The following FGD6 variants were observed in gnomAD, a reference collection of about 807,000 sequenced individuals.
The protein encoded by FGD6 is FYVE, RhoGEF and PH domain-containing protein 6.
Under a neutral mutation model 149.4 loss-of-function variants are expected in FGD6, and 90 were observed. That is an observed-to-expected ratio of 0.60 (90% CI 0.51 to 0.72). The LOEUF is 0.72. Among genes scored for constraint, FGD6 ranks in the 30% least tolerant of loss-of-function variants. The pLI is 0.00. For synonymous variants in FGD6, 527 were observed against 584.0 expected (o/e 0.90, Z 1.41); for missense variants, 1,437 against 1,684.8 (o/e 0.85, Z 2.57).
chr12:95,141,236 A>T, intron 6 of FGD6, 152 bp downstream of exon 6: 1 of 889,358 alleles, frequency 1.1e-6, no homozygotes, highest in Non-Finnish European at 1.6e-6. Context: ...AACAAAAAAC[A>T]AACAAAACAA....
At position 95,210,486 on chromosome 12, in the gene FGD6, G is replaced by T. The variant is rs945255061; in HGVS notation, c.798C>A (p.Cys266Ter). Residue 266 changes from cysteine to a stop codon, truncating the protein, a stop_gained, in exon 2 of 21, where the codon TGC becomes TGA. Coordinates refer to ENST00000343958, the MANE Select transcript of FGD6 (RefSeq NM_018351.4). LOFTEE classifies it high-confidence loss of function. ...GAGCCTCTAGTTCAGATGACTGAAA[G>T]CAATTATTGCTTTTTTCACTGTCAT... The part of the protein sequence containing the change: ...CQDDSEKSNN[C>*]FQSSELEALE... The T allele has an allele frequency of 6.2e-7, 1 of 1,613,856 alleles. No homozygotes were observed. The highest frequency in any genetic ancestry group is 1.3e-5 in the African/African-American group (1 of 74,886).
intron 3 of FGD6, among the ~76,000 whole-genome samples, chr12:95,153,721 T>A (rs1367937054): frequency 6.6e-6 from 1 of 152,070 alleles, no homozygotes; most frequent in African/African-American, 2.4e-5. Context: ...GGAATGTAGA[T>A]GAGAACTTCA....
chr12:95,200,234 G>A (rs1198615795), intron 2 of FGD6, among the ~76,000 whole-genome samples: 3 of 152,122 alleles, frequency 2.0e-5, no homozygotes, highest in Admixed American at 1.3e-4. Context: ...GTTTTCGACT[G>A]AATCCACAGG....
chr12:95,197,244 G>A (rs1271060773), intron 2 of FGD6, among the ~76,000 whole-genome samples: 1 of 151,988 alleles, frequency 6.6e-6, no homozygotes, highest in African/African-American at 2.4e-5. Flanking sequence ...TTTGAGACCA[G>A]CCTGGCCAAC....
intron 2 of FGD6, among the ~76,000 whole-genome samples, chr12:95,185,925 A>C (rs1376791062): frequency 6.6e-6 from 1 of 152,184 alleles, no homozygotes; most frequent in Non-Finnish European, 1.5e-5. Flanking sequence ...GATAATGTGA[A>C]TATATCTGTT....
intron 2 of FGD6, among the ~76,000 whole-genome samples, chr12:95,182,292 A>G (rs968253040): frequency 7.0e-6 from 1 of 143,290 alleles, no homozygotes; most frequent in South Asian, 2.2e-4. Flanking sequence ...AACCTCTGCC[A>G]CCCAGGTTCA....
At position 95,217,458 on chromosome 12, in the gene FGD6, G is replaced by A. The variant is rs1839387978; in HGVS notation, c.-218C>T. On this transcript the variant is annotated 5_prime_UTR_variant, in exon 1 of 21. Transcript: ENST00000343958. ...CGCGAGCCGCCGGGGTCGGGCGGGC[G>A]AGCACTAGCACCGCCCCGCAGAGCG... The A allele has an allele frequency of 4.8e-6, 3 of 626,260 alleles. No individual in the cohort carries two copies. The highest frequency in any genetic ancestry group is 7.5e-6 in the Non-Finnish European group (3 of 402,384). 38.8% of individuals were successfully genotyped at this position (626,260 alleles called of 1,614,324 possible). A position where few individuals can be genotyped will look rare whatever the true frequency, so the allele number is the denominator to read the frequency against.
chr12:95,168,965 G>A (rs1880907975), intron 3 of FGD6, among the ~76,000 whole-genome samples: 1 of 152,192 alleles, frequency 6.6e-6, no homozygotes. Context: ...CCAGGCTGTG[G>A]CCAGATGGAT....
chr12:95,115,416 T>TTTTTTTTTG, intron 8 of FGD6, among the ~76,000 whole-genome samples: 1 of 150,250 alleles, frequency 6.7e-6, no homozygotes, highest in Non-Finnish European at 1.5e-5. Flanking sequence ...TTTTTTTTTT[T>TTTTTTTTTG]GCAGAGGCAG....
intron 5 of FGD6, among the ~76,000 whole-genome samples, 156 bp from the exon 6 acceptor site, chr12:95,141,695 C>G (rs80026193): frequency 0.19 from 29,365 of 152,072 alleles, 3,070 homozygotes; most frequent in Non-Finnish European, 0.21. Context: ...CCTCCTACCC[C>G]ACTCACCTAG....
intron 14 of FGD6, among the ~76,000 whole-genome samples, chr12:95,094,918 T>C (rs903609131): frequency 6.6e-6 from 1 of 152,222 alleles, no homozygotes; most frequent in African/African-American, 2.4e-5. Context: ...ATTTTTTCTT[T>C]CCAAAAGTTC....
chr12:95,175,054 C>G (rs1314457034), intron 2 of FGD6, among the ~76,000 whole-genome samples: 1 of 151,854 alleles, frequency 6.6e-6, no homozygotes, highest in Non-Finnish European at 1.5e-5. Flanking sequence ...TTGCCACATC[C>G]ATTAGGGATA....
At chr12:95,208,228 G>A (rs1177183754) in intron 2 of FGD6, among the ~76,000 whole-genome samples, 4 of 151,836 alleles carry the variant, frequency 2.6e-5, no homozygotes, top group Non-Finnish European at 5.9e-5. Flanking sequence ...CTCCAGCCTG[G>A]GTGACAGAGT....
chr12:95,102,965 G>A (rs1169409336), intron 14 of FGD6, among the ~76,000 whole-genome samples: 1 of 152,044 alleles, frequency 6.6e-6, no homozygotes, highest in Non-Finnish European at 1.5e-5. Context: ...AATATAAAAC[G>A]AAACATGAGC....
intron 2 of FGD6, among the ~76,000 whole-genome samples, chr12:95,202,161 G>A (rs2056667331): frequency 6.6e-6 from 1 of 151,978 alleles, no homozygotes; most frequent in South Asian, 2.1e-4. Flanking sequence ...AGGCCGAGGT[G>A]GGCTGACTTG....
intron 13 of FGD6, among the ~76,000 whole-genome samples, chr12:95,105,579 TG>T (rs1317092376): frequency 1.3e-5 from 2 of 152,240 alleles, no homozygotes; most frequent in Non-Finnish European, 2.9e-5. Flanking sequence ...GCTAAGTCCC[TG>T]GGGGAGGAAA....
In FGD6 at chr12:95,210,616, G is replaced by A. The variant is rs185972853; in HGVS notation, c.668C>T (p.Ala223Val). The A allele has an allele frequency of 4.4e-5, 71 of 1,614,132 alleles. No homozygotes were observed. The East Asian group carries it at 8.0e-4, about 18-fold the overall frequency. The part of the protein sequence containing the change: ...NSNGQFRIEF[A>V]DLSPSPSSFE... ...GCTGGATGGGGAAGGTGACAAATCC[G>A]CAAATTCAATTCTGAATTGTCCATT... The change falls in exon 2 of 21, where the codon GCG becomes GTG. Residue 223 changes from alanine to valine, a missense_variant. Coordinates refer to ENST00000343958, the MANE Select transcript of FGD6 (RefSeq NM_018351.4).
At chr12:95,149,352 A>G (rs1880215338) in intron 5 of FGD6, among the ~76,000 whole-genome samples, 1 of 112,830 alleles carries the variant, frequency 8.9e-6, no homozygotes, top group Non-Finnish European at 1.7e-5. Context: ...AATATATAGC[A>G]TATATTATAT....
intron 6 of FGD6, 28 bp downstream of exon 6, chr12:95,141,360 G>A (rs1412884191): frequency 6.2e-7 from 1 of 1,606,536 alleles, no homozygotes; most frequent in Non-Finnish European, 8.5e-7. Context: ...GGAAACACTA[G>A]GAAAATCTGA....
Sources: allele counts gnomAD v4.1 joint callset (sites outside exome capture counted in the v4.1 genomes callset), GRCh38; gene constraint gnomAD v4.1.1; transcripts MANE v1.5; gene names NCBI Gene and HGNC (gene_info 2026-07-23, HGNC 2026-07-21).